Variants in PDE1C observed in about 807,000 individuals in gnomAD.
The protein encoded by PDE1C is dual specificity calcium/calmodulin-dependent 3',5'-cyclic nucleotide phosphodiesterase 1C.
PDE1C carries 62 observed loss-of-function variants against 93.1 expected under a neutral mutation model. The ratio of observed to expected loss-of-function variants is 0.67; its 90% confidence interval spans 0.54 to 0.82. The LOEUF (loss-of-function observed/expected upper bound fraction) is 0.82, where lower values mean the gene tolerates loss of function less well. Ranked by LOEUF, PDE1C falls within the 40% of genes least tolerant of loss-of-function variation. The probability of loss-of-function intolerance (pLI) is 0.00; values close to 1 mark genes in which losing one functional copy is unlikely to be tolerated. For missense variants in PDE1C, 742 were observed against 884.6 expected (o/e 0.84, Z 2.04); for synonymous variants, 325 against 310.1 (o/e 1.05, Z -0.50).
intron 7 of PDE1C, among the ~76,000 whole-genome samples, chr7:31,853,243 A>G (rs2128807505): frequency 6.6e-6 from 1 of 152,300 alleles, no homozygotes; most frequent in African/African-American, 2.4e-5. Context: ...AAACAAAACC[A>G]TTGTCTTTAA....
chr7:32,018,672 G>A (rs1283093024), intron 2 of PDE1C, among the ~76,000 whole-genome samples: 4 of 152,098 alleles, frequency 2.6e-5, no homozygotes, highest in African/African-American at 9.7e-5. Context: ...GAGAGTAGGA[G>A]GGGAAAATAG....
chr7:31,731,423 C>G, the PDE1C span, among the ~76,000 whole-genome samples: 1 of 152,076 alleles, frequency 6.6e-6, no homozygotes, highest in African/African-American at 2.4e-5. Context: ...GAGAGTCTCG[C>G]TCTGTCACCC....
chr7:32,051,874 A>G (rs1793428160), intron 1 of PDE1C, among the ~76,000 whole-genome samples: 1 of 152,184 alleles, frequency 6.6e-6, no homozygotes, highest in Non-Finnish European at 1.5e-5. Flanking sequence ...AGTTGAGGTC[A>G]GGCTTTAAAG....
intron 2 of PDE1C, among the ~76,000 whole-genome samples, chr7:31,905,190 T>C (rs1376381508): frequency 6.6e-6 from 1 of 152,138 alleles, no homozygotes; most frequent in Non-Finnish European, 1.5e-5. Flanking sequence ...AAGTCACAAA[T>C]TGATAATATT....
At chr7:31,823,606 A>G (rs1334673749) in intron 13 of PDE1C, among the ~76,000 whole-genome samples, 1 of 151,986 alleles carries the variant, frequency 6.6e-6, no homozygotes, top group Middle Eastern at 3.2e-3. Context: ...TCCACAGTTC[A>G]CCTACCTGCT....
chr7:32,139,325 T>TTTTTTA (rs59314497), intron 3 of PDE1C, among the ~76,000 whole-genome samples: 12 of 125,460 alleles, frequency 9.6e-5, no homozygotes, highest in South Asian at 5.0e-4. Context: ...TTTTTTTTTT[T>TTTTTTA]GAGACCAAAT....
At chr7:32,402,137 G>C (rs1784956862) in intron 1 of PDE1C, among the ~76,000 whole-genome samples, 1 of 152,064 alleles carries the variant, frequency 6.6e-6, no homozygotes, top group Non-Finnish European at 1.5e-5. Flanking sequence ...ACCCAGATCT[G>C]TCTGGCTCCA....
intron 7 of PDE1C, among the ~76,000 whole-genome samples, chr7:31,864,094 T>G: frequency 6.6e-6 from 1 of 152,188 alleles, no homozygotes; most frequent in East Asian, 1.9e-4. Context: ...TACAGACCTG[T>G]TTTTGCCTTT....
At chr7:32,232,945 C>G (rs1254510505) in intron 1 of PDE1C, among the ~76,000 whole-genome samples, 1 of 152,176 alleles carries the variant, frequency 6.6e-6, no homozygotes, top group Non-Finnish European at 1.5e-5. Flanking sequence ...AAGATTTAAA[C>G]AAGAGCCAGA....
chr7:31,844,168 G>C (rs1792255665), intron 9 of PDE1C, among the ~76,000 whole-genome samples: 2 of 151,490 alleles, frequency 1.3e-5, no homozygotes, highest in Admixed American at 6.6e-5. Context: ...ATATTTATCA[G>C]TTTATTCTTT....
In PDE1C at chr7:32,275,910, T is replaced by A. The variant is rs115971073; in HGVS notation, c.85+22741A>T. Among the ~76,000 whole-genome samples, 541 of 152,312 alleles carry A rather than the reference T, an allele frequency of 3.6e-3. 1 individual carries two copies. The highest frequency in any genetic ancestry group is 0.012 in the African/African-American group (515 of 41,570). ...CAGAAAATTCATTAACAGGATGACA[T>A]AATACAGAAGCATGCTCACTTAGTA... On this transcript the variant is annotated intron_variant, in intron 1 of 18. Coordinates refer to the PDE1C transcript ENST00000396193.
chr7:31,780,493 A>G (rs11971795), intron 16 of PDE1C, among the ~76,000 whole-genome samples: 10,839 of 152,206 alleles, frequency 0.071, 971 homozygotes, highest in African/African-American at 0.2. Context: ...GTTTTATTCC[A>G]TTTACTTAAT....
chr7:31,816,433 C>T (rs904679103), intron 14 of PDE1C, among the ~76,000 whole-genome samples: 38 of 152,142 alleles, frequency 2.5e-4, no homozygotes, highest in African/African-American at 7.9e-4. Flanking sequence ...TTAATATCAC[C>T]GTTATTAATA....
chr7:31,990,550 C>T (rs1470672923), intron 2 of PDE1C, among the ~76,000 whole-genome samples: 1 of 152,076 alleles, frequency 6.6e-6, no homozygotes, highest in Non-Finnish European at 1.5e-5. Context: ...CTAACCCACA[C>T]TCTCAATTCT....
intron 3 of PDE1C, among the ~76,000 whole-genome samples, chr7:32,108,671 C>T (rs1379778355): frequency 1.3e-5 from 2 of 152,144 alleles, no homozygotes; most frequent in Non-Finnish European, 2.9e-5. Flanking sequence ...TGAAATTGTT[C>T]CTTCCTTGTT....
At chr7:31,863,599 A>AAG (rs1306335078) in intron 7 of PDE1C, among the ~76,000 whole-genome samples, 29 of 152,326 alleles carry the variant, frequency 1.9e-4, no homozygotes, top group Admixed American at 1.4e-3. Context: ...TAGTGTTTTA[A>AAG]ATACTATTTT....
chr7:32,012,811 C>G (rs921646759), intron 2 of PDE1C, among the ~76,000 whole-genome samples: 1 of 152,308 alleles, frequency 6.6e-6, no homozygotes, highest in East Asian at 1.9e-4. Context: ...AAATGACCTA[C>G]TATTTCAAGT....
At chr7:31,776,412 A>T (rs1404983379) in intron 16 of PDE1C, among the ~76,000 whole-genome samples, 1 of 152,070 alleles carries the variant, frequency 6.6e-6, no homozygotes, top group Non-Finnish European at 1.5e-5. Context: ...GCAACTGGCA[A>T]CAGAATTCCT....
chr7:31,746,212 G>C (rs1385320251), downstream of PDE1C, among the ~76,000 whole-genome samples: 1 of 152,170 alleles, frequency 6.6e-6, no homozygotes, highest in Admixed American at 6.5e-5. Flanking sequence ...GCAATGGAGG[G>C]CTGTAATTCC....
Sources: gnomAD v4.1 joint callset for allele counts (sites outside exome capture counted in the v4.1 genomes callset) on GRCh38, gnomAD v4.1.1 for gene constraint, MANE v1.5 for transcripts, NCBI Gene and HGNC (gene_info 2026-07-23, HGNC 2026-07-21) for gene names.